The following ZNF653 variants were observed in gnomAD, a reference collection of about 807,000 sequenced individuals.
ZNF653 encodes the protein 67 kDa zinc finger protein.
A neutral mutation model predicts 59.9 loss-of-function variants in ZNF653; 37 were observed. That is an observed-to-expected ratio of 0.62 (90% CI 0.48 to 0.81). The LOEUF (loss-of-function observed/expected upper bound fraction) is 0.81. ZNF653 is among the 40% of genes least tolerant of loss of function. The probability of loss-of-function intolerance (pLI) is 0.00; values close to 1 mark genes in which losing one functional copy is unlikely to be tolerated. For missense variants in ZNF653, 808 were observed against 881.1 expected, an observed-to-expected ratio of 0.92 and a Z score of 1.05; for synonymous variants, 435 against 371.8, an observed-to-expected ratio of 1.17 and a Z score of -1.96.
Position 11,505,506 on chromosome 19 carries a change from TGGCCGCG to T in ZNF653, c.274_280del (p.Arg92SerfsTer27). ...CCCTCACCCGTGGCGGCCGCTCCGC[TGGCCGCG>T]CTCCAGAGAGATGAGGTAGGCGGCG... On this transcript the variant is annotated frameshift_variant, in exon 1 of 9. Transcript: ENST00000293771. LOFTEE classifies it high-confidence loss of function. The T allele has an allele frequency of 6.7e-7, 1 of 1,492,366 alleles. No homozygotes were observed. Among genetic ancestry groups the T allele is most frequent in the Non-Finnish European group, 8.8e-7 (1 of 1,134,108 alleles). The allele number at this position is 1,492,366 out of a possible 1,614,324, so 92.4% of individuals were successfully genotyped here.
chr19:11,502,826 G>T (rs1275396105), intron 1 of ZNF653, among the ~76,000 whole-genome samples: 1 of 152,166 alleles, frequency 6.6e-6, no homozygotes, highest in Non-Finnish European at 1.5e-5. Context: ...TTGAGGTCAG[G>T]AGTTCGAGAC....
chr19:11,494,860 G>A (rs1000018285), intron 3 of ZNF653, among the ~76,000 whole-genome samples: 3 of 152,218 alleles, frequency 2.0e-5, no homozygotes, highest in Non-Finnish European at 4.4e-5. Context: ...ACAAGGCCAT[G>A]GGGAAGATTC....
In ZNF653 at chr19:11,487,351, T is replaced by A; in HGVS notation, c.1112A>T (p.Glu371Val). 2 of 1,613,400 alleles carry A rather than the reference T, an allele frequency of 1.2e-6. No individual in the cohort carries two copies. Among genetic ancestry groups the A allele is most frequent in the Non-Finnish European group, 1.7e-6 (2 of 1,179,882 alleles). ...GVAAYTQTEP[E>V]GSQPSTMDAT... ...GTCCATGGTGCTAGGCTGGCTACCC[T>A]CGGGCTCTGTCTGGGTGTAGGCTGC... Residue 371 changes from glutamate to valine, a missense_variant, in exon 4 of 9, where the codon GAG becomes GTG. Physicochemically the swap from Glu to Val is moderately radical, Grantham distance 121 (BLOSUM62 -2). Transcript: ENST00000293771. This position sits in a 1 kb window ranked among gnomAD's most constrained non-coding sequence, Gnocchi z 5.1.
In ZNF653 at chr19:11,495,529, C is replaced by T. The variant is rs905214284; in HGVS notation, c.559+421G>A. The T allele has an allele frequency of 2.1e-5, 4 of 189,238 alleles. No homozygotes were observed. Among genetic ancestry groups the T allele is most frequent in the South Asian group, 9.5e-5 (1 of 10,546 alleles). 11.7% of individuals were successfully genotyped at this position (189,238 alleles called of 1,614,324 possible). A position where few individuals can be genotyped will look rare whatever the true frequency, so the allele number is the denominator to read the frequency against. ...CCAGAGAAAATCGAAAAGGAGGTAGCGGCCAGCTTAGCCAGGGCTCAGGAG... is the reference window on the plus strand; with the variant it reads ...CCAGAGAAAATCGAAAAGGAGGTAGTGGCCAGCTTAGCCAGGGCTCAGGAG... On this transcript the variant is annotated intron_variant, in intron 3 of 8. Coordinates refer to ENST00000293771, the MANE Select transcript of ZNF653 (RefSeq NM_138783.4). This position sits in a 1 kb window ranked among gnomAD's most constrained non-coding sequence, Gnocchi z 4.9.
At chr19:11,484,338 G>A (rs912583090) in intron 7 of ZNF653, among the ~76,000 whole-genome samples, 197 bp from the exon 8 acceptor site, 3 of 151,932 alleles carry the variant, frequency 2.0e-5, no homozygotes, top group African/African-American at 4.8e-5. Context: ...ATCGAACTTG[G>A]GTCCCTGAGA....
rs138157855 is a variant in ZNF653 at position 11,495,854 on chromosome 19, C to G, written c.559+96G>C. The G allele has an allele frequency of 7.7e-7, 1 of 1,294,406 alleles. No individual in the cohort carries two copies. The highest frequency in any genetic ancestry group is 1.5e-5 in the African/African-American group (1 of 68,264). The allele number at this position is 1,294,406 out of a possible 1,614,324, so 80.2% of individuals were successfully genotyped here. ...AGTGCCAGAGCCAGAGCCAGAGCCA[C>G]TGTGGCTGCTATTCTGTTTGTGATG... is the stretch of plus-strand genomic sequence containing the variant. On this transcript the variant is annotated intron_variant, in intron 3 of 8. Transcript: ENST00000293771. The surrounding 1 kb of genome is among the most constrained non-coding windows in gnomAD (Gnocchi z 4.9).
At chr19:11,502,382 A>T (rs1015999355) in intron 1 of ZNF653, among the ~76,000 whole-genome samples, 2 of 152,078 alleles carry the variant, frequency 1.3e-5, no homozygotes, top group Non-Finnish European at 2.9e-5. Flanking sequence ...GTGAGCTACC[A>T]TGCCTGGTCT....
In ZNF653 at chr19:11,486,972, C is replaced by T. The variant is rs763547070; in HGVS notation, c.1343+15G>A. On this transcript the variant is annotated intron_variant, in intron 5 of 8. Transcript: ENST00000293771. ...TCTAGCCCTCGCCCTCACCCTTGCC[C>T]GCCCCGGCACCCACTTCTCAGGCTC... 10 of 1,612,638 alleles carry T rather than the reference C, an allele frequency of 6.2e-6. No individual in the cohort carries two copies. Among genetic ancestry groups the T allele is most frequent in the South Asian group, 3.3e-5 (3 of 90,892 alleles).
chr19:11,495,858 G>T lies in ZNF653; in HGVS notation c.559+92C>A. ...CCAGAGCCAGAGCCAGAGCCACTGT[G>T]GCTGCTATTCTGTTTGTGATGCTAG... On this transcript the variant is annotated intron_variant, in intron 3 of 8. Coordinates refer to ENST00000293771, the MANE Select transcript of ZNF653 (RefSeq NM_138783.4). The surrounding 1 kb of genome is among the most constrained non-coding windows in gnomAD (Gnocchi z 4.9). 2 of 1,315,084 alleles carry T rather than the reference G, an allele frequency of 1.5e-6. No homozygotes were observed. Among genetic ancestry groups the T allele is most frequent in the Non-Finnish European group, 2.1e-6 (2 of 954,120 alleles). 81.5% of individuals were successfully genotyped at this position (1,315,084 alleles called of 1,614,324 possible). A position where few individuals can be genotyped will look rare whatever the true frequency, so the allele number is the denominator to read the frequency against.
chr19:11,494,584 G>T (rs1971565039), intron 3 of ZNF653, among the ~76,000 whole-genome samples: 2 of 152,128 alleles, frequency 1.3e-5, no homozygotes. Flanking sequence ...CAGCTACTAG[G>T]GAGGCTGAGG....
intron 1 of ZNF653, among the ~76,000 whole-genome samples, chr19:11,503,140 G>A (rs1971665297): frequency 6.6e-6 from 1 of 152,130 alleles, no homozygotes; most frequent in Admixed American, 6.6e-5. Context: ...ACCTCACTGG[G>A]AGGAAAAACT....
At position 11,483,652 on chromosome 19, in the gene ZNF653, A is replaced by C. The variant is rs1398826601; in HGVS notation, c.*30T>G. On this transcript the variant is annotated 3_prime_UTR_variant, in exon 9 of 9. Transcript: ENST00000293771. ...CCGGGCGTGGTGTCCGAGCGGACGA[A>C]TAAATAGGGGCGGTCAGTGGTCAGG... The C allele has an allele frequency of 6.3e-7, 1 of 1,598,142 alleles. No homozygotes were observed. Among genetic ancestry groups the C allele is most frequent in the South Asian group, 1.1e-5 (1 of 90,690 alleles).
At chr19:11,504,445 G>C in intron 1 of ZNF653, 2 of 812,402 alleles carry the variant, frequency 2.5e-6, no homozygotes, top group East Asian at 1.3e-4. Context: ...AAACCCCCCA[G>C]ACCTTTGAAC....
rs1471310687 is a variant in ZNF653 at position 11,496,094 on chromosome 19, A to T, written c.415T>A (p.Tyr139Asn). 3 of 1,614,064 alleles carry T rather than the reference A, an allele frequency of 1.9e-6. No homozygotes were observed. Among genetic ancestry groups the T allele is most frequent in the Non-Finnish European group, 2.5e-6 (3 of 1,180,006 alleles). Residue 139 changes from tyrosine to asparagine, a missense_variant, in exon 3 of 9, where the codon TAC becomes AAC. Coordinates refer to ENST00000293771, the MANE Select transcript of ZNF653 (RefSeq NM_138783.4). ...WYEDHKHRCP[Y>N]EPHLAELDPT... ...TCTAGCTCCGCCAGGTGCGGCTCGT[A>T]CGGGCAGCGGTGCTTGTGGTCCTCG...
At chr19:11,492,777 C>T (rs970092068) in intron 3 of ZNF653, among the ~76,000 whole-genome samples, 1 of 152,220 alleles carries the variant, frequency 6.6e-6, no homozygotes, top group Non-Finnish European at 1.5e-5. Context: ...AGTGAGGGCT[C>T]GTTCCAATAA....
chr19:11,493,940 G>A (rs1184497676), intron 3 of ZNF653, among the ~76,000 whole-genome samples: 1 of 152,056 alleles, frequency 6.6e-6, no homozygotes, highest in East Asian at 1.9e-4. Flanking sequence ...GATCACTTGA[G>A]CCCAGGAATT....
rs1971718808 is a variant in ZNF653 at position 11,505,838 on chromosome 19, G to A, written c.-52C>T. On this transcript the variant is annotated 5_prime_UTR_variant, in exon 1 of 9. Transcript: ENST00000293771. ...CCCGTTGTTAGGAGCCAGACCGGAA[G>A]TGGCGCGCATCTTCGGCGCCGCCGA... is the stretch of plus-strand genomic sequence containing the variant. 7 of 1,282,790 alleles carry A rather than the reference G, an allele frequency of 5.5e-6. No individual in the cohort carries two copies. The highest frequency in any genetic ancestry group is 6.1e-6 in the Non-Finnish European group (6 of 990,810). The allele number at this position is 1,282,790 out of a possible 1,614,324, so 79.5% of individuals were successfully genotyped here.
chr19:11,493,430 G>A (rs1424016201), intron 3 of ZNF653, among the ~76,000 whole-genome samples: 1 of 152,182 alleles, frequency 6.6e-6, no homozygotes, highest in Non-Finnish European at 1.5e-5. Flanking sequence ...TATGTACCCT[G>A]TAAGTTTCCT....
intron 3 of ZNF653, among the ~76,000 whole-genome samples, chr19:11,494,442 G>C (rs1276068648): frequency 6.6e-6 from 1 of 152,068 alleles, no homozygotes; most frequent in Non-Finnish European, 1.5e-5. Context: ...TGTAATCCCA[G>C]AACTTTGGAA....
Sources: allele counts gnomAD v4.1 joint callset (sites outside exome capture counted in the v4.1 genomes callset), GRCh38; gene constraint gnomAD v4.1.1; non-coding constraint Gnocchi (gnomAD v3.1); transcripts MANE v1.5; gene names NCBI Gene and HGNC (gene_info 2026-07-23, HGNC 2026-07-21).